The following STRADB variants were observed in gnomAD, a reference collection of about 807,000 sequenced individuals.
STRADB encodes the protein STE20-related kinase adapter protein beta.
STRADB carries 34 observed loss-of-function variants against 52.1 expected under a neutral mutation model. The observed-to-expected ratio is 0.65, with a 90% confidence interval of 0.50 to 0.87. STRADB has a LOEUF of 0.87. STRADB is among the 40% of genes least tolerant of loss of function. The pLI, the probability that STRADB is intolerant of heterozygous loss-of-function variation, is 0.00. For missense variants in STRADB, 340 were observed against 483.9 expected (o/e 0.70, Z 2.79); for synonymous variants, 133 against 174.5 (o/e 0.76, Z 1.87).
chr2:201,462,488 T>C (rs1952231815), intron 3 of STRADB, among the ~76,000 whole-genome samples: 1 of 152,202 alleles, frequency 6.6e-6, no homozygotes, highest in South Asian at 2.1e-4. Flanking sequence ...TTCTTTTTTG[T>C]GAAGTTTATT....
intron 3 of STRADB, among the ~76,000 whole-genome samples, chr2:201,461,921 C>G (rs1052446195): frequency 1.3e-5 from 2 of 152,168 alleles, no homozygotes; most frequent in African/African-American, 4.8e-5. Context: ...TTTCCCAGCA[C>G]CACTTATTGA....
At chr2:201,478,275 A>T in intron 9 of STRADB, 82 bp from the exon 10 acceptor site, 1 of 1,594,424 alleles carries the variant, frequency 6.3e-7, no homozygotes, top group Non-Finnish European at 8.5e-7. Flanking sequence ...CATGTTTGCT[A>T]TAGACTCTTA....
chr2:201,464,716 C>A (rs1176818360), intron 3 of STRADB, among the ~76,000 whole-genome samples: 2 of 152,128 alleles, frequency 1.3e-5, no homozygotes, highest in Non-Finnish European at 2.9e-5. Flanking sequence ...TCCAGAAATG[C>A]CTTCTGGGAG....
rs556040017 is a variant in STRADB at position 201,480,839 on chromosome 2, T to C, written c.*664T>C. 41 of 985,600 alleles carry C rather than the reference T, an allele frequency of 4.2e-5. No individual in the cohort carries two copies. The South Asian group carries it at 1.7e-3, about 42-fold the overall frequency. 61.1% of individuals were successfully genotyped at this position (985,600 alleles called of 1,614,324 possible). Reference sequence around the variant, plus strand: ...CCGTGGGAGCTCAATAAAGATTTACTGAATTGAGTTTATGCTTTTATTTAT... The same window carrying C: ...CCGTGGGAGCTCAATAAAGATTTACCGAATTGAGTTTATGCTTTTATTTAT... On this transcript the variant is annotated 3_prime_UTR_variant, in exon 12 of 12. Coordinates refer to ENST00000194530, the MANE Select transcript of STRADB (RefSeq NM_018571.6).
intron 10 of STRADB, chr2:201,479,033 A>T (rs1952527570): frequency 5.1e-6 from 1 of 196,594 alleles, no homozygotes; most frequent in African/African-American, 2.4e-5. Flanking sequence ...AGATCATGCC[A>T]CTGCACTGTA....
At chr2:201,455,453 C>G (rs555733333) in intron 2 of STRADB, among the ~76,000 whole-genome samples, 1 of 152,012 alleles carries the variant, frequency 6.6e-6, no homozygotes, top group Non-Finnish European at 1.5e-5. Context: ...GTGGCTCACA[C>G]CTGTAATCCC....
At chr2:201,470,868 AT>A (rs1354503918) in intron 4 of STRADB, among the ~76,000 whole-genome samples, 1 of 152,220 alleles carries the variant, frequency 6.6e-6, no homozygotes, top group Non-Finnish European at 1.5e-5. Context: ...AAAAAGGAAT[AT>A]TTGAACAGTG....
intron 3 of STRADB, among the ~76,000 whole-genome samples, chr2:201,459,084 A>G (rs1952173483): frequency 6.6e-6 from 1 of 152,074 alleles, no homozygotes; most frequent in Admixed American, 6.5e-5. Flanking sequence ...CTTTTTCTTT[A>G]CAGTGTCCTT....
At chr2:201,479,303 A>C (rs1457526280) in intron 10 of STRADB, 186 bp from the exon 11 acceptor site, 1 of 573,096 alleles carries the variant, frequency 1.7e-6, no homozygotes, top group African/African-American at 1.9e-5. Context: ...TAATTGAAGG[A>C]TACCTCTACA....
In STRADB at chr2:201,480,797, T is replaced by A. The variant is rs2125685783; in HGVS notation, c.*622T>A. 1 of 985,802 alleles carries A rather than the reference T, an allele frequency of 1.0e-6. No homozygotes were observed. The highest frequency in any genetic ancestry group is 1.1e-4 in the East Asian group (1 of 8,824). 61.1% of individuals were successfully genotyped at this position (985,802 alleles called of 1,614,324 possible). A position where few individuals can be genotyped will look rare whatever the true frequency, so the allele number is the denominator to read the frequency against. On this transcript the variant is annotated 3_prime_UTR_variant, in exon 12 of 12. Coordinates refer to ENST00000194530, the MANE Select transcript of STRADB (RefSeq NM_018571.6). ...CTTTCCTACTTATGTAAATTATAGATCCTAAATTCACGCACCCCGTGGGAG... is the reference window on the plus strand; with the variant it reads ...CTTTCCTACTTATGTAAATTATAGAACCTAAATTCACGCACCCCGTGGGAG...
chr2:201,476,199 T>G (rs1952468827), intron 7 of STRADB, among the ~76,000 whole-genome samples: 1 of 152,202 alleles, frequency 6.6e-6, no homozygotes, highest in Non-Finnish European at 1.5e-5. Flanking sequence ...AAATATCACT[T>G]CTCTTGTTAC....
intron 9 of STRADB, 75 bp from the exon 10 acceptor site, chr2:201,478,282 C>T: frequency 1.3e-6 from 2 of 1,597,642 alleles, no homozygotes; most frequent in South Asian, 2.3e-5. Context: ...GCTATAGACT[C>T]TTAGGAGCTT....
At chr2:201,457,838 A>G (rs1295383789) in intron 2 of STRADB, among the ~76,000 whole-genome samples, 2 of 152,204 alleles carry the variant, frequency 1.3e-5, no homozygotes, top group African/African-American at 4.8e-5. Flanking sequence ...AGCCTGGCCA[A>G]CATGGTGAAA....
intron 6 of STRADB, 100 bp from the exon 7 acceptor site, chr2:201,475,519 A>G: frequency 7.1e-7 from 1 of 1,408,306 alleles, no homozygotes; most frequent in African/African-American, 1.4e-5. Flanking sequence ...CCAAAAAGTA[A>G]CAGGTATGTT....
At chr2:201,459,825 G>C (rs1952185872) in intron 3 of STRADB, among the ~76,000 whole-genome samples, 1 of 152,134 alleles carries the variant, frequency 6.6e-6, no homozygotes, top group Non-Finnish European at 1.5e-5. Context: ...TGTAGAATAT[G>C]TCTTAGTTTC....
rs958219127 is a variant in STRADB, at chr2:201,478,472, A to C, written c.941A>C (p.Glu314Ala). Residue 314 changes from glutamate (E) to alanine (A), a missense_variant, in exon 10 of 12, where the codon GAA becomes GCA. Coordinates refer to ENST00000194530, the MANE Select transcript of STRADB (RefSeq NM_018571.6). ...TCAGGTGTAGACTCTGGGATTGGAG[A>C]AAGTGTGCTTGTCTCCAGTGGAACT... ...SQSGVDSGIGESVLVSSGTHT... is the reference protein window; with the variant it reads ...SQSGVDSGIGASVLVSSGTHT... The C allele has an allele frequency of 6.2e-7, 1 of 1,613,956 alleles. No homozygotes were observed. Among genetic ancestry groups the C allele is most frequent in the Non-Finnish European group, 8.5e-7 (1 of 1,179,990 alleles).
intron 10 of STRADB, 79 bp from the exon 11 acceptor site, chr2:201,479,410 A>G: frequency 2.2e-6 from 3 of 1,366,462 alleles, no homozygotes; most frequent in Non-Finnish European, 3.0e-6. Context: ...ACTAAACCTA[A>G]TTTCTAACAT....
At chr2:201,467,199 AC>A (rs1473148281) in intron 3 of STRADB, among the ~76,000 whole-genome samples, 1 of 152,238 alleles carries the variant, frequency 6.6e-6, no homozygotes, top group African/African-American at 2.4e-5. Context: ...TACATGGGAA[AC>A]CAAATCATAA....
At chr2:201,461,546 A>T (rs1160819936) in intron 3 of STRADB, among the ~76,000 whole-genome samples, 1 of 152,274 alleles carries the variant, frequency 6.6e-6, no homozygotes, top group Non-Finnish European at 1.5e-5. Context: ...TAGATTTTTT[A>T]AATTGGATTG....
Sources: allele counts gnomAD v4.1 joint callset (sites outside exome capture counted in the v4.1 genomes callset), GRCh38; gene constraint gnomAD v4.1.1; transcripts MANE v1.5; gene names NCBI Gene and HGNC (gene_info 2026-07-23, HGNC 2026-07-21).